SEL1L: variants seen among roughly 807,000 people sequenced by gnomAD.
The protein encoded by SEL1L is protein sel-1 homolog 1.
In SEL1L, 52 loss-of-function variants were observed where a neutral mutation model predicts 109.8. The observed-to-expected ratio is 0.47, with a 90% CI of 0.38 to 0.60. The LOEUF is 0.60. Among genes scored for constraint, SEL1L ranks in the 20% least tolerant of loss-of-function variants. The pLI is 0.00. For synonymous variants in SEL1L, 373 were observed against 339.6 expected, an observed-to-expected ratio of 1.10 and a Z score of -1.08; for missense variants, 749 against 962.2, an observed-to-expected ratio of 0.78 and a Z score of 2.93.
At chr14:81,519,823 A>G (rs541510514) in intron 3 of SEL1L, among the ~76,000 whole-genome samples, 1 of 152,360 alleles carries the variant, frequency 6.6e-6, no homozygotes. Flanking sequence ...AAGGCATCCT[A>G]AACAGTGAGG....
chr14:81,506,938 A>C (rs1289878471), intron 3 of SEL1L, among the ~76,000 whole-genome samples: 1 of 152,170 alleles, frequency 6.6e-6, no homozygotes, highest in Non-Finnish European at 1.5e-5. Context: ...TACTAAGCAA[A>C]TGTGTGATGG....
chr14:81,506,729 T>C (rs187495785), intron 3 of SEL1L, among the ~76,000 whole-genome samples: 13 of 152,332 alleles, frequency 8.5e-5, no homozygotes, highest in African/African-American at 3.1e-4. Context: ...ACTTATCACA[T>C]GTATGGAAGT....
At chr14:81,491,229 G>A (rs970752923) in intron 12 of SEL1L, among the ~76,000 whole-genome samples, 5 of 152,158 alleles carry the variant, frequency 3.3e-5, no homozygotes, top group African/African-American at 1.2e-4. Flanking sequence ...TCACAAGTGG[G>A]TCTTAAGTTC....
In SEL1L at chr14:81,502,878, T is replaced by TA; in HGVS notation, c.619dup (p.Tyr207LeufsTer27). 1 of 1,602,078 alleles carries TA rather than the reference T, an allele frequency of 6.2e-7. No homozygotes were observed. Among genetic ancestry groups the TA allele is most frequent in the Non-Finnish European group, 8.5e-7 (1 of 1,174,572 alleles). On this transcript the variant is annotated frameshift_variant, in exon 6 of 21. Coordinates refer to ENST00000336735, the MANE Select transcript of SEL1L (RefSeq NM_005065.6). LOFTEE classifies it high-confidence loss of function. The stretch of plus-strand genomic sequence containing the variant: ...GCTTGCTGCCTTTTGGAGATACCGA[T>TA]ATGCTCTTCAAATGTAAACAATTAA...
At chr14:81,502,060 G>A (rs544271228) in intron 6 of SEL1L, among the ~76,000 whole-genome samples, 1 of 151,748 alleles carries the variant, frequency 6.6e-6, no homozygotes, top group South Asian at 2.1e-4. Context: ...GGACAAAACA[G>A]GTATAAAGAA....
At chr14:81,518,382 G>A (rs1413718077) in intron 3 of SEL1L, among the ~76,000 whole-genome samples, 1 of 151,746 alleles carries the variant, frequency 6.6e-6, no homozygotes, top group African/African-American at 2.4e-5. Flanking sequence ...AAGGTAGGCC[G>A]GGTGCGGTGG....
At chr14:81,477,676 G>C (rs1903209888) in intron 20 of SEL1L, among the ~76,000 whole-genome samples, 1 of 152,186 alleles carries the variant, frequency 6.6e-6, no homozygotes, top group Non-Finnish European at 1.5e-5. Flanking sequence ...AACCAGGCAT[G>C]GTGGCGGGTG....
intron 8 of SEL1L, 146 bp downstream of exon 8, chr14:81,499,313 T>A: frequency 2.1e-6 from 3 of 1,406,202 alleles, no homozygotes; most frequent in Non-Finnish European, 2.8e-6. Context: ...TTATATCCAT[T>A]AACAAGAATT....
At chr14:81,502,954 T>C in intron 5 of SEL1L, 71 bp from the exon 6 acceptor site, 1 of 1,218,962 alleles carries the variant, frequency 8.2e-7, no homozygotes, top group Non-Finnish European at 1.2e-6. Flanking sequence ...TTTGATCTAC[T>C]AAAACGCAAC....
chr14:81,527,582 T>G (rs550793697), intron 2 of SEL1L, 119 bp downstream of exon 2: 1 of 668,382 alleles, frequency 1.5e-6, no homozygotes. Context: ...TGTCTTTTTC[T>G]GTCCTTTTTA....
Position 81,498,454 on chromosome 14 carries a change from C to T in SEL1L, c.932G>A (p.Cys311Tyr). 1.2e-6 allele frequency: 2 copies of T among 1,614,032 alleles called. No individual in the cohort carries two copies. The highest frequency in any genetic ancestry group is 2.7e-5 in the African/African-American group (2 of 75,018). ...ACGATAGTGAGTCAGGGCAGATTCA[C>T]AACTCTGGAGGACGCCGATGCCAGC... ...YWAGIGVLQS[C>Y]ESALTHYRLV... is the part of the protein sequence containing the mutation. The change falls in exon 9 of 21, where the codon TGT (cysteine) becomes TAT (tyrosine). Residue 311 changes from cysteine to tyrosine, a missense_variant. By Grantham distance (194) the Cys-to-Tyr change is radical. This residue lies in a region of SEL1L where 366 missense variants were observed against 399.8 expected (regional missense o/e 0.92). Coordinates refer to ENST00000336735, the MANE Select transcript of SEL1L (RefSeq NM_005065.6).
chr14:81,506,088 C>T lies in SEL1L; in HGVS notation c.494G>A (p.Trp165Ter). Residue 165 changes from tryptophan (W) to a stop codon, truncating the protein, a stop_gained, in exon 4 of 21, where the codon TGG (tryptophan) becomes TAG (stop). Coordinates refer to ENST00000336735, the MANE Select transcript of SEL1L (RefSeq NM_005065.6). LOFTEE classifies it high-confidence loss of function. Reference protein sequence around the residue: ...TTYDYKADEKWGFCETEEEAA... With the variant: ...TTYDYKADEK ...GCAATACTTACTTTCACAAAAGCCC[C>T]ACTTTTCATCTGCTTTGTAGTCATA... 6.2e-7 allele frequency: 1 copy of T among 1,613,598 alleles called. No homozygotes were observed. Among genetic ancestry groups the T allele is most frequent in the Non-Finnish European group, 8.5e-7 (1 of 1,179,648 alleles).
intron 17 of SEL1L, 94 bp from the exon 18 acceptor site, chr14:81,485,840 A>G: frequency 1.1e-6 from 1 of 949,862 alleles, no homozygotes. Context: ...GGTGAAGCAT[A>G]AGTTAAACAA....
chr14:81,493,750 A>C (rs1883635694), intron 11 of SEL1L, among the ~76,000 whole-genome samples: 1 of 152,146 alleles, frequency 6.6e-6, no homozygotes, highest in African/African-American at 2.4e-5. Flanking sequence ...GCCAGTGATG[A>C]TCTTCATACT....
intron 1 of SEL1L, among the ~76,000 whole-genome samples, chr14:81,528,962 G>A (rs1998386): frequency 0.39 from 59,086 of 151,940 alleles, 14,202 homozygotes; most frequent in Non-Finnish European, 0.52. Flanking sequence ...TATTTCTTTC[G>A]AATATTTGAG....
rs1308987692 is a variant in SEL1L, at chr14:81,487,456, G to C, written c.1566C>G (p.Phe522Leu). 6.2e-7 allele frequency: 1 copy of C among 1,610,112 alleles called. No individual in the cohort carries two copies. The highest frequency in any genetic ancestry group is 2.2e-5 in the East Asian group (1 of 44,834). The change falls in exon 16 of 21, where the codon TTC (phenylalanine) becomes TTG (leucine). Residue 522 changes from phenylalanine (F) to leucine (L), a missense_variant. By Grantham distance (22) the Phe-to-Leu change is conservative. This residue lies in a region of SEL1L where 383 missense variants were observed against 562.5 expected (regional missense o/e 0.68). Coordinates refer to ENST00000336735, the MANE Select transcript of SEL1L (RefSeq NM_005065.6). The part of the protein sequence containing the change: ...LASQGGHILA[F>L]YNLAQMHASG... Reference sequence around the variant, plus strand: ...TGGCATGCATCTGAGCTAGGTTATAGAAAGCCAAGATATGGCCTCCCTGAG... The same window carrying C: ...TGGCATGCATCTGAGCTAGGTTATACAAAGCCAAGATATGGCCTCCCTGAG...
In SEL1L at chr14:81,498,006, C is replaced by T; in HGVS notation, c.1014G>A (p.Gln338=). ...CCACTTCATCAGGCAGCCGTATTCTCTGTACTACTGAGCCTCCTGTTAGCG... is the reference window on the plus strand; with the variant it reads ...CCACTTCATCAGGCAGCCGTATTCTTTGTACTACTGAGCCTCCTGTTAGCG... ...DISLTGGSVV[Q]RIRLPDEVEN... Residue 338 remains glutamine (Q), a synonymous_variant, in exon 10 of 21, where the codon CAG becomes CAA. Coordinates refer to ENST00000336735, the MANE Select transcript of SEL1L (RefSeq NM_005065.6). 6.2e-7 allele frequency: 1 copy of T among 1,613,934 alleles called. No homozygotes were observed. Among genetic ancestry groups the T allele is most frequent in the East Asian group, 2.2e-5 (1 of 44,874 alleles).
Position 81,476,166 on chromosome 14 carries a change from CT to C in SEL1L, c.*805del. 6.6e-6 allele frequency: 1 copy of C among 152,306 alleles called. No individual in the cohort carries two copies. The highest frequency in any genetic ancestry group is 1.5e-5 in the Non-Finnish European group (1 of 68,022). 9.4% of individuals were successfully genotyped at this position (152,306 alleles called of 1,614,324 possible). A position where few individuals can be genotyped will look rare whatever the true frequency, so the allele number is the denominator to read the frequency against. On this transcript the variant is annotated 3_prime_UTR_variant, in exon 21 of 21. Transcript: ENST00000336735. ...TCCCACTTAGTCCATCCTCTGGCTT[CT>C]GGATCAAGGCTCTGTATATTCAAAA...
In SEL1L at chr14:81,533,804, A is replaced by C; in HGVS notation, c.-60T>G. 6.6e-7 allele frequency: 1 copy of C among 1,525,582 alleles called. No individual in the cohort carries two copies. The highest frequency in any genetic ancestry group is 9.0e-7 in the Non-Finnish European group (1 of 1,112,294). 94.5% of individuals were successfully genotyped at this position (1,525,582 alleles called of 1,614,324 possible). A position where few individuals can be genotyped will look rare whatever the true frequency, so the allele number is the denominator to read the frequency against. ...GTCGCCTTCGCCTCTGCCACCACGG[A>C]CTCAGCCACCACCGCCGCCTCGCCG... On this transcript the variant is annotated 5_prime_UTR_variant, in exon 1 of 21. Transcript: ENST00000336735.
Sources: allele counts gnomAD v4.1 joint callset (sites outside exome capture counted in the v4.1 genomes callset), GRCh38; gene constraint gnomAD v4.1.1; regional missense constraint gnomAD v4.1.1; transcripts MANE v1.5; gene names NCBI Gene and HGNC (gene_info 2026-07-23, HGNC 2026-07-21).